ZNF385B: variants seen among roughly 807,000 people sequenced by gnomAD.
ZNF385B encodes the protein zinc finger protein 533.
ZNF385B carries 23 observed loss-of-function variants against 39.2 expected under a neutral mutation model. The observed-to-expected ratio is 0.59, with a 90% CI of 0.42 to 0.83. The LOEUF is 0.83. ZNF385B is among the 40% of genes least tolerant of loss of function. The pLI is 0.00. For missense variants in ZNF385B, 552 were observed against 598.9 expected (o/e 0.92, Z 0.82); for synonymous variants, 205 against 222.6 (o/e 0.92, Z 0.70).
chr2:179,705,656 T>C (rs1302201817), intron 3 of ZNF385B, among the ~76,000 whole-genome samples: 1 of 152,242 alleles, frequency 6.6e-6, no homozygotes, highest in African/African-American at 2.4e-5. Flanking sequence ...TGTATGTTCT[T>C]TGACCTCAGT....
At chr2:179,766,311 C>A (rs2106497325) in intron 3 of ZNF385B, among the ~76,000 whole-genome samples, 1 of 152,136 alleles carries the variant, frequency 6.6e-6, no homozygotes, top group Admixed American at 6.5e-5. Context: ...ATTAACAGTT[C>A]TTGGGAAGAA....
chr2:179,582,481 C>T (rs183298647), intron 3 of ZNF385B, among the ~76,000 whole-genome samples: 4 of 152,204 alleles, frequency 2.6e-5, no homozygotes, highest in Admixed American at 6.5e-5. Flanking sequence ...TGAGCATGCA[C>T]GATAACTCAG....
intron 3 of ZNF385B, among the ~76,000 whole-genome samples, chr2:179,709,934 G>A (rs557849991): frequency 2.6e-5 from 4 of 152,290 alleles, no homozygotes; most frequent in African/African-American, 9.6e-5. Context: ...GCAGCTGTGT[G>A]TGACCTACGG....
rs974101795 is a variant in ZNF385B at position 179,456,266 on chromosome 2, T to C, written c.716-9496A>G. Among the ~76,000 whole-genome samples the C allele has an allele frequency of 3.9e-5, 6 of 152,210 alleles. No homozygotes were observed. The South Asian group carries it at 8.3e-4, about 21-fold the overall frequency. ...TGTACATTTCTGAGCTTTTGATGCA[T>C]ATACCAAATTGCCCTCCAGAATGGT... On this transcript the variant is annotated intron_variant, in intron 6 of 9. Transcript: ENST00000410066.
chr2:179,843,535 T>C (rs1328502189), intron 1 of ZNF385B, among the ~76,000 whole-genome samples: 1 of 152,266 alleles, frequency 6.6e-6, no homozygotes, highest in African/African-American at 2.4e-5. Context: ...CATAGGTATA[T>C]ACCAAAAGCA....
intron 3 of ZNF385B, among the ~76,000 whole-genome samples, chr2:179,672,318 AGCT>A (rs2106306379): frequency 6.6e-6 from 1 of 152,346 alleles, no homozygotes; most frequent in Admixed American, 6.5e-5. Context: ...AGAGGCTCAC[AGCT>A]GAAGGGGAAT....
chr2:179,519,856 T>C (rs1321952717), intron 4 of ZNF385B, among the ~76,000 whole-genome samples: 6 of 152,162 alleles, frequency 3.9e-5, no homozygotes, highest in Admixed American at 2.0e-4. Context: ...CTGATCATGA[T>C]TATAAATCGA....
At chr2:179,852,485 T>C (rs1022327223) in intron 1 of ZNF385B, among the ~76,000 whole-genome samples, 1 of 152,174 alleles carries the variant, frequency 6.6e-6, no homozygotes, top group African/African-American at 2.4e-5. Context: ...ACCACCTCTT[T>C]TAGATTTTGT....
chr2:179,479,517 A>G (rs1382069480), intron 6 of ZNF385B, among the ~76,000 whole-genome samples: 1 of 152,162 alleles, frequency 6.6e-6, no homozygotes, highest in Non-Finnish European at 1.5e-5. Flanking sequence ...TACTTCTTAG[A>G]ATAAATAATG....
intron 4 of ZNF385B, among the ~76,000 whole-genome samples, chr2:179,524,892 T>G (rs2058788581): frequency 6.6e-6 from 1 of 152,168 alleles, no homozygotes; most frequent in South Asian, 2.1e-4. Context: ...ATTTTCTTTT[T>G]CTTTTTTCTA....
rs1575204836 is a variant in ZNF385B, at chr2:179,678,694, C to A, written c.298+90809G>T. On this transcript the variant is annotated intron_variant, in intron 3 of 9. Transcript: ENST00000410066. ...TTGGGTTTTCTGTCAGTATAGATGACCTTAATCTAAACAAACACAATGCCT... is the reference window on the plus strand; with the variant it reads ...TTGGGTTTTCTGTCAGTATAGATGAACTTAATCTAAACAAACACAATGCCT... Among the ~76,000 whole-genome samples the A allele has an allele frequency of 2.6e-5, 4 of 152,278 alleles. No individual in the cohort carries two copies. In the South Asian group the frequency reaches 8.3e-4, roughly 32 times the overall value.
chr2:179,478,184 A>C (rs1346778428), intron 6 of ZNF385B, among the ~76,000 whole-genome samples: 1 of 152,204 alleles, frequency 6.6e-6, no homozygotes, highest in African/African-American at 2.4e-5. Flanking sequence ...TTGTTACTAT[A>C]GTTTTGGGAG....
intron 3 of ZNF385B, among the ~76,000 whole-genome samples, chr2:179,764,248 C>T (rs1348166261): frequency 6.6e-6 from 1 of 152,138 alleles, no homozygotes; most frequent in Non-Finnish European, 1.5e-5. Flanking sequence ...CCTACTTCAT[C>T]AGATATTAAT....
At chr2:179,640,531 T>A (rs536220154) in intron 3 of ZNF385B, among the ~76,000 whole-genome samples, 16 of 152,120 alleles carry the variant, frequency 1.1e-4, no homozygotes, top group Non-Finnish European at 2.2e-4. Flanking sequence ...TTAATAAAGT[T>A]ATATGAGGGA....
At chr2:179,751,983 C>A (rs1702705558) in intron 3 of ZNF385B, among the ~76,000 whole-genome samples, 1 of 152,010 alleles carries the variant, frequency 6.6e-6, no homozygotes, top group Non-Finnish European at 1.5e-5. Flanking sequence ...ATGTGCACAA[C>A]GTGCAGGTTT....
chr2:179,468,277 G>A (rs1296142638), intron 6 of ZNF385B, among the ~76,000 whole-genome samples: 2 of 152,218 alleles, frequency 1.3e-5, no homozygotes, highest in Non-Finnish European at 2.9e-5. Context: ...TTGTTTACTA[G>A]AGTTTGAATC....
chr2:179,608,298 T>C (rs1390237787), intron 3 of ZNF385B, among the ~76,000 whole-genome samples: 2 of 151,280 alleles, frequency 1.3e-5, no homozygotes, highest in African/African-American at 4.8e-5. Flanking sequence ...GACTTAGTAA[T>C]CCAGAATAGA....
In ZNF385B at chr2:179,769,494, GCCT is replaced by G. The variant is rs1164382428; in HGVS notation, c.298+6_298+8del. ...CGCAGCACATGGAACCCGGGACCCTGCCTCCTACCTGTGCTGCTGTTGCTGCTG... is the reference window on the plus strand; with the variant it reads ...CGCAGCACATGGAACCCGGGACCCTGCCTACCTGTGCTGCTGTTGCTGCTG... On this transcript the variant is annotated splice_donor_region_variant and intron_variant, in intron 3 of 9. Coordinates refer to ENST00000410066, the MANE Select transcript of ZNF385B (RefSeq NM_152520.6). 1.2e-6 allele frequency: 2 copies of G among 1,612,950 alleles called. No homozygotes were observed. Among genetic ancestry groups the G allele is most frequent in the South Asian group, 2.2e-5 (2 of 91,046 alleles).
intron 4 of ZNF385B, among the ~76,000 whole-genome samples, chr2:179,524,558 A>AAGAAAAAAG (rs2058756299): frequency 2.8e-5 from 1 of 35,088 alleles, no homozygotes; most frequent in East Asian, 9.3e-4. Context: ...TCTCAAAAAA[A>AAGAAAAAAG]AAAAAAAAAA....
Sources: allele counts gnomAD v4.1 joint callset (sites outside exome capture counted in the v4.1 genomes callset), GRCh38; gene constraint gnomAD v4.1.1; transcripts MANE v1.5; gene names NCBI Gene and HGNC (gene_info 2026-07-23, HGNC 2026-07-21).